GTF2F2: variants seen among roughly 807,000 people sequenced by gnomAD.
GTF2F2 encodes ATP-dependent helicase GTF2F2.
A neutral mutation model predicts 42.2 loss-of-function variants in GTF2F2; 23 were observed. The observed-to-expected ratio is 0.55, with a 90% CI of 0.39 to 0.77. The LOEUF is 0.77. Ranked by LOEUF, GTF2F2 falls within the 30% of genes least tolerant of loss-of-function variation. GTF2F2 has a pLI of 0.00. For missense variants in GTF2F2, 261 were observed against 287.2 expected (o/e 0.91, Z 0.66); for synonymous variants, 105 against 100.8 (o/e 1.04, Z -0.25).
intron 6 of GTF2F2, chr13:45,263,846 C>A: frequency 5.6e-6 from 1 of 179,750 alleles, no homozygotes; most frequent in South Asian, 1.4e-4. Context: ...ATGCAGATTT[C>A]TTCAGAAATT....
intron 5 of GTF2F2, among the ~76,000 whole-genome samples, chr13:45,244,093 C>T (rs893130176): frequency 3.3e-5 from 5 of 152,142 alleles, no homozygotes; most frequent in Non-Finnish European, 7.3e-5. Flanking sequence ...GTCGCAATGA[C>T]TTAGTGACAC....
chr13:45,171,866 CTT>C (rs35742068), intron 4 of GTF2F2, among the ~76,000 whole-genome samples: 39 of 140,684 alleles, frequency 2.8e-4, no homozygotes, highest in East Asian at 4.1e-4. Context: ...CTTTTGTGAC[CTT>C]TTTTTTTTTT....
At chr13:45,191,222 AAAATAT>A (rs1225812470) in intron 4 of GTF2F2, among the ~76,000 whole-genome samples, 7 of 69,964 alleles carry the variant, frequency 1.0e-4, no homozygotes, top group East Asian at 8.5e-4. Flanking sequence ...ATACAAAAAA[AAAATAT>A]ATATATATAT....
At chr13:45,214,227 A>G (rs1012867034) in intron 5 of GTF2F2, among the ~76,000 whole-genome samples, 2 of 152,220 alleles carry the variant, frequency 1.3e-5, no homozygotes, top group African/African-American at 4.8e-5. Context: ...ATTTTGGCTG[A>G]TAAATTAGCC....
chr13:45,128,616 G>T (rs540804102), intron 1 of GTF2F2, among the ~76,000 whole-genome samples: 1 of 151,772 alleles, frequency 6.6e-6, no homozygotes, highest in African/African-American at 2.4e-5. Flanking sequence ...TTTTGAGAAA[G>T]AGTCTCGCTC....
chr13:45,128,653 A>G (rs1484453259), intron 1 of GTF2F2, among the ~76,000 whole-genome samples: 2 of 152,032 alleles, frequency 1.3e-5, no homozygotes, highest in Non-Finnish European at 2.9e-5. Context: ...GTGCAGTGGC[A>G]TGTGATCATG....
At chr13:45,178,395 A>G (rs1459716526) in intron 4 of GTF2F2, among the ~76,000 whole-genome samples, 1 of 147,178 alleles carries the variant, frequency 6.8e-6, no homozygotes, top group Non-Finnish European at 1.5e-5. Context: ...AATCTGTGAC[A>G]ATTTTCCCTG....
chr13:45,148,092 A>C (rs1302758202), intron 2 of GTF2F2, among the ~76,000 whole-genome samples: 1 of 152,222 alleles, frequency 6.6e-6, no homozygotes, highest in Non-Finnish European at 1.5e-5. Flanking sequence ...GTGGACATAT[A>C]GTAGACCCTT....
chr13:45,224,399 G>T (rs1364519012), intron 5 of GTF2F2, among the ~76,000 whole-genome samples: 1 of 152,222 alleles, frequency 6.6e-6, no homozygotes, highest in Non-Finnish European at 1.5e-5. Flanking sequence ...TCTGAGTGAA[G>T]GTCTGATGGG....
intron 6 of GTF2F2, 71 bp from the exon 7 acceptor site, chr13:45,267,162 A>AG: frequency 1.5e-6 from 2 of 1,318,452 alleles, no homozygotes; most frequent in Non-Finnish European, 2.1e-6. Flanking sequence ...AAAAAAAAAA[A>AG]AGAGAATGCC....
At chr13:45,210,806 T>C (rs964321164) in intron 5 of GTF2F2, among the ~76,000 whole-genome samples, 1 of 152,150 alleles carries the variant, frequency 6.6e-6, no homozygotes, top group African/African-American at 2.4e-5. Flanking sequence ...TAAGGAGATA[T>C]GGAAAAATTT....
chr13:45,153,976 CAAAAAAA>C (rs71070960), intron 4 of GTF2F2, among the ~76,000 whole-genome samples: 29 of 71,490 alleles, frequency 4.1e-4, no homozygotes, highest in Non-Finnish European at 5.7e-4. Flanking sequence ...GACTCAGTCT[CAAAAAAA>C]AAAAAAAAAA....
At chr13:45,215,636 C>T (rs1047645057) in intron 5 of GTF2F2, among the ~76,000 whole-genome samples, 1 of 151,892 alleles carries the variant, frequency 6.6e-6, no homozygotes, top group East Asian at 1.9e-4. Context: ...TGGCAGGTGC[C>T]TGTAATCCCA....
intron 1 of GTF2F2, among the ~76,000 whole-genome samples, chr13:45,129,803 A>T (rs560118512): frequency 7.2e-5 from 11 of 152,372 alleles, no homozygotes; most frequent in African/African-American, 2.4e-4. Flanking sequence ...AGCAGATGAT[A>T]AGTGCTCTGA....
At chr13:45,129,978 A>G (rs1869250199) in intron 1 of GTF2F2, among the ~76,000 whole-genome samples, 1 of 152,210 alleles carries the variant, frequency 6.6e-6, no homozygotes, top group Admixed American at 6.5e-5. Flanking sequence ...GACAGAAATA[A>G]CAGCAAATGC....
chr13:45,132,975 A>G (rs1009012174), intron 1 of GTF2F2, among the ~76,000 whole-genome samples: 1 of 152,224 alleles, frequency 6.6e-6, no homozygotes, highest in Non-Finnish European at 1.5e-5. Flanking sequence ...ATGTGAGACC[A>G]GCTAGCGTGA....
At chr13:45,133,633 C>T (rs1480515174) in intron 1 of GTF2F2, among the ~76,000 whole-genome samples, 2 of 152,156 alleles carry the variant, frequency 1.3e-5, no homozygotes, top group South Asian at 2.1e-4. Flanking sequence ...TAGTGAAGGC[C>T]GTGGAATAAG....
chr13:45,224,729 A>G (rs1430959335), intron 5 of GTF2F2, among the ~76,000 whole-genome samples: 1 of 152,240 alleles, frequency 6.6e-6, no homozygotes, highest in East Asian at 1.9e-4. Flanking sequence ...GAATTATGCA[A>G]GTAAATGAAC....
intron 5 of GTF2F2, among the ~76,000 whole-genome samples, chr13:45,238,908 C>T (rs1431087951): frequency 7.1e-6 from 1 of 141,800 alleles, no homozygotes; most frequent in Non-Finnish European, 1.5e-5. Flanking sequence ...GGCGCCATTG[C>T]ACTCCAGTCT....
Sources: allele counts gnomAD v4.1 joint callset (sites outside exome capture counted in the v4.1 genomes callset), GRCh38; gene constraint gnomAD v4.1.1; transcripts MANE v1.5; gene names NCBI Gene and HGNC (gene_info 2026-07-23, HGNC 2026-07-21).